Variants in ZNF385D observed in about 807,000 individuals in gnomAD.
The protein encoded by ZNF385D is zinc finger protein 659.
Under a neutral mutation model 35.8 loss-of-function variants are expected in ZNF385D, and 15 were observed. That is an observed-to-expected ratio of 0.42 (90% CI 0.28 to 0.64). The LOEUF (loss-of-function observed/expected upper bound fraction) is 0.64, where lower values mean the gene tolerates loss of function less well. Among genes scored for constraint, ZNF385D ranks in the 30% least tolerant of loss-of-function variants. The pLI, the probability that ZNF385D is intolerant of heterozygous loss-of-function variation, is 0.23. For synonymous variants in ZNF385D, 212 were observed against 186.8 expected (o/e 1.13, Z -1.10); for missense variants, 474 against 494.6 (o/e 0.96, Z 0.39).
At chr3:22,230,622 C>G (rs895125517) in intron 2 of ZNF385D, among the ~76,000 whole-genome samples, 1 of 152,138 alleles carries the variant, frequency 6.6e-6, no homozygotes, top group African/African-American at 2.4e-5. Flanking sequence ...CCCCTAAATT[C>G]AACCCTACAT....
intron 3 of ZNF385D, among the ~76,000 whole-genome samples, chr3:22,115,021 T>G (rs1702736930): frequency 6.6e-6 from 1 of 152,072 alleles, no homozygotes; most frequent in African/African-American, 2.4e-5. Flanking sequence ...TCTTCTCTTT[T>G]CTGTATAAAT....
intron 4 of ZNF385D, among the ~76,000 whole-genome samples, chr3:21,467,884 A>G (rs7629679): frequency 0.52 from 78,558 of 151,900 alleles, 21,738 homozygotes; most frequent in African/African-American, 0.71. Context: ...TGACCACAAT[A>G]AGAAACCATG....
At chr3:21,456,559 G>T (rs1702824156) in intron 4 of ZNF385D, among the ~76,000 whole-genome samples, 1 of 152,184 alleles carries the variant, frequency 6.6e-6, no homozygotes, top group South Asian at 2.1e-4. Flanking sequence ...ACACAGGAAG[G>T]GGAACATCAC....
At chr3:22,247,222 T>C (rs1167902667) in intron 2 of ZNF385D, among the ~76,000 whole-genome samples, 1 of 152,144 alleles carries the variant, frequency 6.6e-6, no homozygotes, top group Non-Finnish European at 1.5e-5. Flanking sequence ...GTTGATTATT[T>C]AATATATTAA....
intron 2 of ZNF385D, among the ~76,000 whole-genome samples, chr3:21,570,585 T>A (rs2063305998): frequency 6.6e-6 from 1 of 152,204 alleles, no homozygotes; most frequent in South Asian, 2.1e-4. Context: ...CATCTGGTAT[T>A]TGTATGTAAT....
intron 3 of ZNF385D, among the ~76,000 whole-genome samples, chr3:21,548,258 G>T (rs760437408): frequency 7.2e-5 from 11 of 152,134 alleles, no homozygotes; most frequent in Non-Finnish European, 1.2e-4. Flanking sequence ...ACCACACCTG[G>T]CTGATACTGT....
rs1699404233 is a variant in ZNF385D, at chr3:22,056,424, C to T, written c.325+112393G>A. 3.9e-5 allele frequency among the ~76,000 whole-genome samples: 6 copies of T among 151,980 alleles called. No homozygotes were observed. The South Asian group carries it at 1.2e-3, about 32-fold the overall frequency. On this transcript the variant is annotated intron_variant, in intron 3 of 5. Transcript: ENST00000494108. ...TGGCAAAGATGATAAGCTAAAATTC[C>T]ATCAAGGATCATTTAGGTGGGAATG...
intron 3 of ZNF385D, 106 bp downstream of exon 3, chr3:21,564,468 A>G (rs1332175502): frequency 3.4e-6 from 2 of 579,712 alleles, no homozygotes; most frequent in Admixed American, 7.6e-5. Flanking sequence ...GAATTTTGAC[A>G]TGCTCAGTTA....
Position 22,119,995 on chromosome 3 carries a change from CTTTTTTTT to C in ZNF385D, c.325+48814_325+48821del, listed in dbSNP as rs11345782. 9.5e-5 allele frequency among the ~76,000 whole-genome samples: 13 copies of C among 136,302 alleles called. No homozygotes were observed. In the South Asian group the frequency reaches 2.4e-3, roughly 25 times the overall value. The allele number at this position is 136,302 out of a possible 152,430, so 89.4% of individuals were successfully genotyped here. On this transcript the variant is annotated intron_variant, in intron 3 of 5. Transcript: ENST00000494108. Reference sequence around the variant, plus strand: ...ACATACTCAATTTTTTTTCTTTTTTCTTTTTTTTTTTTTTGGTAGAAACAGGATCTCAC... The same window carrying C: ...ACATACTCAATTTTTTTTCTTTTTTCTTTTTTGGTAGAAACAGGATCTCAC...
At chr3:21,938,307 A>G (rs544095886) in intron 3 of ZNF385D, among the ~76,000 whole-genome samples, 1 of 152,264 alleles carries the variant, frequency 6.6e-6, no homozygotes, top group South Asian at 2.1e-4. Context: ...GGCAGATGAG[A>G]GTGACTCAGG....
chr3:21,596,330 A>G (rs1179564752), intron 2 of ZNF385D, among the ~76,000 whole-genome samples: 1 of 152,190 alleles, frequency 6.6e-6, no homozygotes, highest in Non-Finnish European at 1.5e-5. Flanking sequence ...CACACTATTC[A>G]GTTCACAGAG....
chr3:22,104,807 A>G (rs533040665), intron 3 of ZNF385D, among the ~76,000 whole-genome samples: 7 of 152,156 alleles, frequency 4.6e-5, no homozygotes, highest in Non-Finnish European at 1.0e-4. Context: ...ATACTACCTG[A>G]AAGTCCATTG....
chr3:21,892,899 G>C (rs1202087985), intron 3 of ZNF385D, among the ~76,000 whole-genome samples: 1 of 152,180 alleles, frequency 6.6e-6, no homozygotes, highest in African/African-American at 2.4e-5. Flanking sequence ...ATAGAATGCA[G>C]AATGTCAGAG....
chr3:21,490,657 C>T (rs1705366934), intron 4 of ZNF385D, among the ~76,000 whole-genome samples: 1 of 152,178 alleles, frequency 6.6e-6, no homozygotes, highest in Non-Finnish European at 1.5e-5. Context: ...CTCTGGCAGA[C>T]AGCCCCAGCT....
intron 3 of ZNF385D, among the ~76,000 whole-genome samples, chr3:21,960,233 C>A (rs1702513341): frequency 6.6e-6 from 1 of 151,898 alleles, no homozygotes; most frequent in South Asian, 2.1e-4. Context: ...AACACAGACA[C>A]TCACAGAACA....
At chr3:22,124,515 T>C (rs761452044) in intron 3 of ZNF385D, among the ~76,000 whole-genome samples, 7 of 152,062 alleles carry the variant, frequency 4.6e-5, no homozygotes, top group Non-Finnish European at 4.4e-5. Context: ...CTTTTCTCCA[T>C]AGTGGCTGTA....
rs1268417217 is a variant in ZNF385D at position 21,646,741 on chromosome 3, C to T, written c.165+18145G>A. Among the ~76,000 whole-genome samples the T allele has an allele frequency of 6.6e-6, 1 of 152,142 alleles. No individual in the cohort carries two copies. Among genetic ancestry groups the T allele is most frequent in the Non-Finnish European group, 1.5e-5 (1 of 68,024 alleles). The stretch of plus-strand genomic sequence containing the variant: ...ACAGACCCTTCCAGTTACTTTCCTT[C>T]CTTATATCATCTGGGAATGTATTAA... On this transcript the variant is annotated intron_variant, in intron 2 of 7. Coordinates refer to ENST00000281523, the MANE Select transcript of ZNF385D (RefSeq NM_024697.3). This position sits in a 1 kb window ranked among gnomAD's most constrained non-coding sequence, Gnocchi z 4.3.
At position 21,628,520 on chromosome 3, in the gene ZNF385D, ATAAGG is replaced by A; in HGVS notation, c.165+36361_165+36365del. 2.6e-5 allele frequency among the ~76,000 whole-genome samples: 4 copies of A among 151,952 alleles called. 1 individual carries two copies. The Admixed American group carries it at 2.6e-4, about 10-fold the overall frequency. On this transcript the variant is annotated intron_variant, in intron 2 of 7. Coordinates refer to ENST00000281523, the MANE Select transcript of ZNF385D (RefSeq NM_024697.3). ...AAAAATCTAGATTTTAAAAAAATCTATAAGGTAAGAAAAAAAAGGTAGTCGCTTAA... is the reference window on the plus strand; with the variant it reads ...AAAAATCTAGATTTTAAAAAAATCTATAAGAAAAAAAAGGTAGTCGCTTAA...
chr3:22,244,288 C>G (rs1376481964), intron 2 of ZNF385D, among the ~76,000 whole-genome samples: 3 of 137,176 alleles, frequency 2.2e-5, no homozygotes, highest in Non-Finnish European at 4.6e-5. Context: ...AATTGTGTTA[C>G]TCTTTGGAGA....
Sources: gnomAD v4.1 joint callset for allele counts (sites outside exome capture counted in the v4.1 genomes callset) on GRCh38, gnomAD v4.1.1 for gene constraint, Gnocchi (gnomAD v3.1) non-coding constraint, MANE v1.5 for transcripts, NCBI Gene and HGNC (gene_info 2026-07-23, HGNC 2026-07-21) for gene names.